The following LAMB3 variants were observed in gnomAD, a reference collection of about 807,000 sequenced individuals.
LAMB3 encodes laminin subunit beta 3, also known as laminin subunit beta-3.
A neutral mutation model predicts 140.3 loss-of-function variants in LAMB3; 104 were observed. The observed-to-expected ratio is 0.74, with a 90% CI of 0.63 to 0.87. The LOEUF is 0.87. Among genes scored for constraint, LAMB3 ranks in the 40% least tolerant of loss-of-function variants. LAMB3 has a pLI of 0.00. For missense variants in LAMB3, 1,531 were observed against 1,575.2 expected, an observed-to-expected ratio of 0.97 and a Z score of 0.47; for synonymous variants, 592 against 602.9, an observed-to-expected ratio of 0.98 and a Z score of 0.26.
Position 209,623,304 on chromosome 1 carries a change from T to C in LAMB3, c.2359-125A>G, listed in dbSNP as rs1022343342. 1.8e-6 allele frequency: 2 copies of C among 1,085,960 alleles called. No homozygotes were observed. The highest frequency in any genetic ancestry group is 3.1e-5 in the African/African-American group (2 of 63,930). 67.3% of individuals were successfully genotyped at this position (1,085,960 alleles called of 1,614,324 possible). ...ACCAAGCACCAGAAACAGCCAGACATCTCCATGAGAGCTAAGGACCAGAAA... is the reference window on the plus strand; with the variant it reads ...ACCAAGCACCAGAAACAGCCAGACACCTCCATGAGAGCTAAGGACCAGAAA... On this transcript the variant is annotated intron_variant, in intron 16 of 22. Transcript: ENST00000356082. The surrounding 1 kb of genome is among the most constrained non-coding windows in gnomAD (Gnocchi z 4.2).
chr1:209,638,129 G>T, intron 4 of LAMB3, 148 bp from the exon 5 acceptor site: 1 of 725,694 alleles, frequency 1.4e-6, no homozygotes, highest in Non-Finnish European at 2.4e-6. Context: ...GTGGGGAGTG[G>T]TATGTTTCTG....
chr1:209,644,124 G>A (rs749030403), intron 3 of LAMB3, among the ~76,000 whole-genome samples: 1 of 152,204 alleles, frequency 6.6e-6, no homozygotes, highest in Non-Finnish European at 1.5e-5. Context: ...ACCCACCGCA[G>A]TTCAAAAGCC....
intron 8 of LAMB3, among the ~76,000 whole-genome samples, chr1:209,632,110 A>G (rs886757016): frequency 6.6e-6 from 1 of 152,168 alleles, no homozygotes; most frequent in Admixed American, 6.5e-5. Flanking sequence ...TAGCATCTGT[A>G]CTAAACATTG....
rs1374031049 is a variant in LAMB3, at chr1:209,629,824, G to C, written c.1045C>G (p.His349Asp). The change falls in exon 10 of 23, where the codon CAC becomes GAC. Residue 349 changes from histidine to aspartate, a missense_variant. His to Asp is a moderately conservative substitution (Grantham distance 81). Transcript: ENST00000356082. ...YGGVCDNCRD[H>D]TEGKNCERCQ... is the part of the protein sequence containing the mutation. ...CGCTCACAGTTCTTGCCTTCGGTGT[G>C]GTCCCGGCAATTGTCACACACACCT... 6.2e-7 allele frequency: 1 copy of C among 1,613,786 alleles called. No homozygotes were observed. Among genetic ancestry groups the C allele is most frequent in the Non-Finnish European group, 8.5e-7 (1 of 1,180,046 alleles).
At chr1:209,650,801 C>T in intron 2 of LAMB3, 116 bp downstream of exon 2, 2 of 978,570 alleles carry the variant, frequency 2.0e-6, no homozygotes, top group Non-Finnish European at 3.3e-6. Context: ...GTATTCCCAA[C>T]TGAAGGGACT....
In LAMB3 at chr1:209,625,992, C is replaced by A. The variant is rs753960912; in HGVS notation, c.1632G>T (p.Pro544=). The change falls in exon 14 of 23, where the codon CCG becomes CCT. Residue 544 remains proline, a synonymous_variant. Transcript: ENST00000356082. The part of the protein sequence containing the change: ...CDCDFRGTEG[P]GCDKASGRCL... ...AGCGGCCTGATGCCTTGTCGCAGCCCGGGCCCTCTGTTCCCCGGAAATCAC... is the reference window on the plus strand; with the variant it reads ...AGCGGCCTGATGCCTTGTCGCAGCCAGGGCCCTCTGTTCCCCGGAAATCAC... 3 of 1,613,252 alleles carry A rather than the reference C, an allele frequency of 1.9e-6. No individual in the cohort carries two copies. The East Asian group carries it at 6.7e-5, about 36-fold the overall frequency.
At chr1:209,628,535 T>C (rs1666560826) in intron 10 of LAMB3, among the ~76,000 whole-genome samples, 1 of 152,034 alleles carries the variant, frequency 6.6e-6, no homozygotes, top group South Asian at 2.1e-4. Flanking sequence ...CTGTCTCTAC[T>C]AAAAATACAA....
rs780424034 is a variant in LAMB3 at position 209,623,588 on chromosome 1, C to T, written c.2275G>A (p.Gly759Arg). The T allele has an allele frequency of 3.1e-6, 5 of 1,613,930 alleles. No homozygotes were observed. The highest frequency in any genetic ancestry group is 3.4e-6 in the Non-Finnish European group (4 of 1,180,022). The change falls in exon 16 of 23, where the codon GGA (glycine) becomes AGA (arginine). Residue 759 changes from glycine to arginine, a missense_variant. By Grantham distance (125) the Gly-to-Arg change is moderately radical. Transcript: ENST00000356082. The surrounding 1 kb of genome is among the most constrained non-coding windows in gnomAD (Gnocchi z 4.2). ...AGCTTGGGGCTGCCGGTGCCTCCTC[C>T]TCCTCCCGCCTGCCGCACCAGCCTC... ...AERLVRQAGGGGGTGSPKLVA... is the reference protein window; with the variant it reads ...AERLVRQAGGRGGTGSPKLVA...
At position 209,622,591 on chromosome 1, in the gene LAMB3, C is replaced by T. The variant is rs372188386; in HGVS notation, c.2646G>A (p.Glu882=). Residue 882 remains glutamate (E), a synonymous_variant, in exon 18 of 23, where the codon GAG becomes GAA. Coordinates refer to ENST00000356082, the MANE Select transcript of LAMB3 (RefSeq NM_000228.3). ...TQVSASRSQM[E]EDVRRTRLLI... is the part of the protein sequence containing the mutation. ...GGAGCCGTGTGCGTCTGACATCTTC[C>T]TCCATCTGGGAGCGGCTGGCGCTCA... The T allele has an allele frequency of 4.5e-5, 72 of 1,614,028 alleles. No homozygotes were observed. The highest frequency in any genetic ancestry group is 5.7e-5 in the Non-Finnish European group (67 of 1,180,016).
chr1:209,626,024 A>G lies in LAMB3; in HGVS notation c.1600T>C (p.Cys534Arg). ...TCTGTTCCCCGGAAATCACAGTCAC[A>G]GGCTAGGGCCAAGAAAAATGACAGT... ...YGDVATGCRA[C>R]DCDFRGTEGP... Residue 534 changes from cysteine (C) to arginine (R), a missense_variant and splice_region_variant, in exon 14 of 23, where the codon TGT becomes CGT. By Grantham distance (180) the Cys-to-Arg change is radical. Coordinates refer to ENST00000356082, the MANE Select transcript of LAMB3 (RefSeq NM_000228.3). The G allele has an allele frequency of 6.2e-7, 1 of 1,612,174 alleles. No homozygotes were observed. The highest frequency in any genetic ancestry group is 8.5e-7 in the Non-Finnish European group (1 of 1,178,890).
At chr1:209,631,168 G>C (rs1218523090) in intron 8 of LAMB3, among the ~76,000 whole-genome samples, 4 of 152,198 alleles carry the variant, frequency 2.6e-5, no homozygotes, top group Non-Finnish European at 4.4e-5. Context: ...GTGATGAACT[G>C]TCACTAGACT....
chr1:209,648,638 C>G (rs1028520464), intron 3 of LAMB3, among the ~76,000 whole-genome samples: 1 of 152,048 alleles, frequency 6.6e-6, no homozygotes, highest in East Asian at 1.9e-4. Context: ...GCCAAAAGCC[C>G]CAGGCCTGGA....
chr1:209,631,555 A>T (rs1024750920), intron 8 of LAMB3, among the ~76,000 whole-genome samples: 10 of 152,222 alleles, frequency 6.6e-5, no homozygotes, highest in Admixed American at 6.5e-4. Flanking sequence ...TAAAATGCCA[A>T]GGTCCAGACC....
chr1:209,628,215 A>C (rs1472178854), intron 10 of LAMB3, 25 bp from the exon 11 acceptor site: 14 of 1,551,436 alleles, frequency 9.0e-6, no homozygotes, highest in Non-Finnish European at 1.2e-5. Flanking sequence ...CAGCCACCGC[A>C]GTAGGAACAA....
intron 3 of LAMB3, among the ~76,000 whole-genome samples, chr1:209,643,812 A>C (rs1429108784): frequency 6.6e-6 from 1 of 152,140 alleles, no homozygotes; most frequent in African/African-American, 2.4e-5. Flanking sequence ...AAAAGCAAAA[A>C]AAAAAAAAAA....
intron 3 of LAMB3, among the ~76,000 whole-genome samples, chr1:209,649,429 A>C (rs2102465000): frequency 6.6e-6 from 1 of 152,370 alleles, no homozygotes; most frequent in East Asian, 1.9e-4. Flanking sequence ...CATGACTAAC[A>C]GGCAATGTTA....
chr1:209,619,208 A>G (rs76677581), intron 18 of LAMB3, among the ~76,000 whole-genome samples: 6 of 152,198 alleles, frequency 3.9e-5, no homozygotes, highest in Non-Finnish European at 5.9e-5. Context: ...TCCACCCTGG[A>G]CTGTAGCACA....
Position 209,622,975 on chromosome 1 carries a change from C to T in LAMB3, c.2556+7G>A, listed in dbSNP as rs201280220. ...ACCTGTGCCCACCCCGCCTCGGCTG[C>T]ACTTACCATCTGCCTGGTCCGCTGG... On this transcript the variant is annotated splice_region_variant and intron_variant, in intron 17 of 22. Coordinates refer to ENST00000356082, the MANE Select transcript of LAMB3 (RefSeq NM_000228.3). 2.0e-5 allele frequency: 33 copies of T among 1,612,674 alleles called. No homozygotes were observed. The highest frequency in any genetic ancestry group is 2.6e-5 in the Non-Finnish European group (31 of 1,179,930).
At chr1:209,617,384 T>A in intron 21 of LAMB3, 26 bp downstream of exon 21, 1 of 1,610,518 alleles carries the variant, frequency 6.2e-7, no homozygotes, top group African/African-American at 1.3e-5. Flanking sequence ...CCGTACATCA[T>A]TGAGCTAACT....
Sources: allele counts gnomAD v4.1 joint callset (sites outside exome capture counted in the v4.1 genomes callset), GRCh38; gene constraint gnomAD v4.1.1; non-coding constraint Gnocchi (gnomAD v3.1); transcripts MANE v1.5; gene names NCBI Gene and HGNC (gene_info 2026-07-23, HGNC 2026-07-21).